The following MYBPC2 variants were observed in gnomAD, a reference collection of about 807,000 sequenced individuals.
MYBPC2 encodes the protein myosin binding protein C2, also known as myosin-binding protein C, fast-type.
A neutral mutation model predicts 137.0 loss-of-function variants in MYBPC2; 122 were observed. That is an observed-to-expected ratio of 0.89 (90% CI 0.77 to 1.03). The LOEUF (loss-of-function observed/expected upper bound fraction) is 1.03. Ranked by LOEUF, MYBPC2 falls within the 50% of genes least tolerant of loss-of-function variation. The pLI, the probability that MYBPC2 is intolerant of heterozygous loss-of-function variation, is 0.00. For synonymous variants in MYBPC2, 626 were observed against 612.3 expected (o/e 1.02, Z -0.33); for missense variants, 1,500 against 1,534.4 (o/e 0.98, Z 0.37).
At chr19:50,456,170 TATCC>T (rs536173459) in intron 20 of MYBPC2, among the ~76,000 whole-genome samples, 8 of 141,162 alleles carry the variant, frequency 5.7e-5, no homozygotes, top group African/African-American at 8.0e-5. Context: ...TATTTCCATC[TATCC>T]ATCCATCCAT....
In MYBPC2 at chr19:50,454,111, G is replaced by A; in HGVS notation, c.1841G>A (p.Gly614Asp). ...GAGAGTGCGCAGCGGGAAGACGAGG[G>A]CCGCTACACCATCAAGGTCACCAAC... ...VIESAQREDE[G>D]RYTIKVTNPV... is the part of the protein sequence containing the mutation. Residue 614 changes from glycine to aspartate, a missense_variant, in exon 17 of 28, where the codon GGC becomes GAC. Physicochemically the swap from Gly to Asp is moderately conservative, Grantham distance 94. Transcript: ENST00000357701. 2 of 1,612,920 alleles carry A rather than the reference G, an allele frequency of 1.2e-6. No homozygotes were observed. Among genetic ancestry groups the A allele is most frequent in the South Asian group, 2.2e-5 (2 of 90,822 alleles).
chr19:50,436,928 G>A (rs1203805607), intron 5 of MYBPC2, among the ~76,000 whole-genome samples, 194 bp downstream of exon 5: 2 of 152,104 alleles, frequency 1.3e-5, no homozygotes, highest in Non-Finnish European at 2.9e-5. Context: ...TCTGGATTTC[G>A]GGGGTGAAAG....
chr19:50,454,342 A>ATTTT lies in MYBPC2; in HGVS notation c.1988_1989insTTTT (p.Met663IlefsTer30), dbSNP rs1568665587. 1.9e-5 allele frequency: 30 copies of ATTTT among 1,611,620 alleles called. No individual in the cohort carries two copies. Among genetic ancestry groups the ATTTT allele is most frequent in the Non-Finnish European group, 2.5e-5 (30 of 1,179,088 alleles). ...GGCCATCCTTGTCTGGGAGCCACCA[A>ATTTT]TGTACGATGGGGGGAAGCCAGTCAC... is the stretch of plus-strand genomic sequence containing the variant. On this transcript the variant is annotated frameshift_variant, in exon 18 of 28. Transcript: ENST00000357701. LOFTEE classifies it high-confidence loss of function.
rs1160916099 is a variant in MYBPC2, at chr19:50,451,808, C to T, written c.1610-56C>T. 6 of 1,557,320 alleles carry T rather than the reference C, an allele frequency of 3.9e-6. No individual in the cohort carries two copies. In the East Asian group the frequency reaches 1.4e-4, roughly 37 times the overall value. On this transcript the variant is annotated intron_variant, in intron 15 of 27. Coordinates refer to ENST00000357701, the MANE Select transcript of MYBPC2 (RefSeq NM_004533.4). ...CTTTTTGGAGATTCTCTTGTGGGAA[C>T]TGGGAAGGCCCAGCCTCCCACTCCC...
At chr19:50,452,567 T>C (rs1348582838) in intron 16 of MYBPC2, among the ~76,000 whole-genome samples, 4 of 152,110 alleles carry the variant, frequency 2.6e-5, no homozygotes, top group Non-Finnish European at 5.9e-5. Flanking sequence ...TATGTATCTA[T>C]ATTTTTGAAA....
rs1008656892 is a variant in MYBPC2, at chr19:50,435,554, G to A, written c.110-222G>A. The stretch of plus-strand genomic sequence containing the variant: ...CAGTGCCCTCCAGTCCACAGATGAG[G>A]AAACCGAGGCCCAAAGGGGTGAGGG... On this transcript the variant is annotated intron_variant, in intron 2 of 27. Transcript: ENST00000357701. The surrounding 1 kb of genome is among the most constrained non-coding windows in gnomAD (Gnocchi z 4.8). 6.6e-6 allele frequency among the ~76,000 whole-genome samples: 1 copy of A among 152,222 alleles called. No homozygotes were observed. Among genetic ancestry groups the A allele is most frequent in the East Asian group, 1.9e-4 (1 of 5,182 alleles).
At chr19:50,455,729 G>A in intron 20 of MYBPC2, 85 bp downstream of exon 20, 3 of 1,554,058 alleles carry the variant, frequency 1.9e-6, no homozygotes, top group Non-Finnish European at 2.6e-6. Flanking sequence ...GGACCATGTG[G>A]GACAGAGATG....
rs114837306 is a variant in MYBPC2, at chr19:50,464,541, G to A, written c.3415+9G>A. The A allele has an allele frequency of 1.0e-3, 1,598 of 1,596,088 alleles. 16 individuals carry two copies. The African/African-American group carries it at 0.019, about 19-fold the overall frequency. ...CAAGCTGGAGGTCCGAGGTGAGGGC[G>A]TGGCCATCCCCAACACTGGCTGACC... On this transcript the variant is annotated intron_variant, in intron 27 of 27. Transcript: ENST00000357701.
In MYBPC2 at chr19:50,464,477, C is replaced by T. The variant is rs61729456; in HGVS notation, c.3360C>T (p.Cys1120=). 1.1e-3 allele frequency: 1,843 copies of T among 1,613,108 alleles called. 25 individuals carry two copies. The highest frequency in any genetic ancestry group is 8.5e-3 in the East Asian group (382 of 44,868). ...PSPFDAGTYT[C]RAVNELGEAL... ...CCTTCGACGCTGGGACTTACACCTG[C>T]CGGGCCGTCAACGAGCTGGGCGAGG... is the stretch of plus-strand genomic sequence containing the variant. The change falls in exon 27 of 28, where the codon TGC becomes TGT. Residue 1120 remains cysteine (C), a synonymous_variant. Coordinates refer to ENST00000357701, the MANE Select transcript of MYBPC2 (RefSeq NM_004533.4).
intron 24 of MYBPC2, among the ~76,000 whole-genome samples, chr19:50,460,954 G>A (rs543623511): frequency 5.3e-5 from 8 of 151,468 alleles, no homozygotes; most frequent in Non-Finnish European, 1.2e-4. Flanking sequence ...GCCTCCCAAA[G>A]TGTTGGGATT....
chr19:50,450,791 A>G, intron 13 of MYBPC2, 38 bp from the exon 14 acceptor site: 1 of 1,495,082 alleles, frequency 6.7e-7, no homozygotes, highest in Non-Finnish European at 9.1e-7. Context: ...TCCCATTGCA[A>G]TCTGGTTCGA....
rs1324911973 is a variant in MYBPC2, at chr19:50,465,972, C to T, written c.3416-223C>T. Among the ~76,000 whole-genome samples the T allele has an allele frequency of 6.6e-6, 1 of 152,146 alleles. No homozygotes were observed. Among genetic ancestry groups the T allele is most frequent in the Non-Finnish European group, 1.5e-5 (1 of 68,020 alleles). On this transcript the variant is annotated intron_variant, in intron 27 of 27. Transcript: ENST00000357701. The surrounding 1 kb of genome is among the most constrained non-coding windows in gnomAD (Gnocchi z 4.5). ...ATCCCAGCCTCAGGATTCCAGTGAC[C>T]GCGTACAGCCAGCAGCTCAGAATGT...
rs1000122800 is a variant in MYBPC2 at position 50,465,409 on chromosome 19, C to T, written c.3416-786C>T. Among the ~76,000 whole-genome samples, 4 of 152,224 alleles carry T rather than the reference C, an allele frequency of 2.6e-5. No individual in the cohort carries two copies. The highest frequency in any genetic ancestry group is 4.8e-5 in the African/African-American group (2 of 41,460). ...AAGGCTCAGCGAGGAGGCCACTAAC[C>T]GTGTCCCTCAGAGCAGGATGACATC... On this transcript the variant is annotated intron_variant, in intron 27 of 27. Coordinates refer to ENST00000357701, the MANE Select transcript of MYBPC2 (RefSeq NM_004533.4). The surrounding 1 kb of genome is among the most constrained non-coding windows in gnomAD (Gnocchi z 4.5).
intron 18 of MYBPC2, 95 bp from the exon 19 acceptor site, chr19:50,455,013 C>A: frequency 8.2e-7 from 1 of 1,217,874 alleles, no homozygotes; most frequent in Non-Finnish European, 1.1e-6. Context: ...ACCGCCCTGG[C>A]CATGCGATCC....
In MYBPC2 at chr19:50,457,702, TG is replaced by T. The variant is rs1199678555; in HGVS notation, c.2339-883del. On this transcript the variant is annotated intron_variant, in intron 20 of 27. Transcript: ENST00000357701. Reference sequence around the variant, plus strand: ...AAAGTTTTTTTTTTTTTTTTTTTGATGGAGTCTTGGTCTGTCGCCCAGGCTG... The same window carrying T: ...AAAGTTTTTTTTTTTTTTTTTTTGATGAGTCTTGGTCTGTCGCCCAGGCTG... 1.3e-4 allele frequency among the ~76,000 whole-genome samples: 18 copies of T among 136,940 alleles called. 1 individual carries two copies. Among genetic ancestry groups the T allele is most frequent in the African/African-American group, 5.0e-4 (18 of 35,700 alleles). The allele number at this position is 136,940 out of a possible 152,430, so 89.8% of individuals were successfully genotyped here.
At chr19:50,444,166 C>T (rs1358570091) in intron 11 of MYBPC2, among the ~76,000 whole-genome samples, 2 of 149,562 alleles carry the variant, frequency 1.3e-5, no homozygotes, top group Non-Finnish European at 3.0e-5. Context: ...ATCCATCCAT[C>T]CATCCATCCA....
At position 50,451,986 on chromosome 19, in the gene MYBPC2, T is replaced by G; in HGVS notation, c.1732T>G (p.Trp578Gly). Residue 578 changes from tryptophan (W) to glycine (G), a missense_variant, in exon 16 of 28, where the codon TGG becomes GGG. Coordinates refer to ENST00000357701, the MANE Select transcript of MYBPC2 (RefSeq NM_004533.4). ...AGGGGAGCCCCCTCCCGTCGCTACC[T>G]GGCTGAAGGGAGATGAGGTGGGTTG... ...ITGEPPPVAT[W>G]LKGDEVFTTT... 6.4e-7 allele frequency: 1 copy of G among 1,552,782 alleles called. No homozygotes were observed. Among genetic ancestry groups the G allele is most frequent in the Non-Finnish European group, 8.7e-7 (1 of 1,147,406 alleles).
intron 16 of MYBPC2, among the ~76,000 whole-genome samples, chr19:50,452,524 C>CTATCTATG (rs1362289591): frequency 2.6e-5 from 4 of 151,552 alleles, no homozygotes; most frequent in Admixed American, 1.3e-4. Context: ...ATCTATCTAT[C>CTATCTATG]TATCTATCTA....
chr19:50,464,369 C>T lies in MYBPC2; in HGVS notation c.3252C>T (p.Asn1084=), dbSNP rs771779603. Residue 1084 remains asparagine, a synonymous_variant, in exon 27 of 28, where the codon AAC becomes AAT. Coordinates refer to ENST00000357701, the MANE Select transcript of MYBPC2 (RefSeq NM_004533.4). Reference sequence around the variant, plus strand: ...AGCCGAAGGTGGTCTGGATGAAGAACAAGATGGAAATCCGTGAAGATCCCA... The same window carrying T: ...AGCCGAAGGTGGTCTGGATGAAGAATAAGATGGAAATCCGTGAAGATCCCA... ...HPKPKVVWMK[N]KMEIREDPKF... 6.2e-7 allele frequency: 1 copy of T among 1,609,386 alleles called. No individual in the cohort carries two copies. The highest frequency in any genetic ancestry group is 8.5e-7 in the Non-Finnish European group (1 of 1,178,012).
Sources: allele counts gnomAD v4.1 joint callset (sites outside exome capture counted in the v4.1 genomes callset), GRCh38; gene constraint gnomAD v4.1.1; non-coding constraint Gnocchi (gnomAD v3.1); transcripts MANE v1.5; gene names NCBI Gene and HGNC (gene_info 2026-07-23, HGNC 2026-07-21).